Variants in ALG9 observed in about 807,000 individuals in gnomAD.
ALG9 encodes the protein ALG9 alpha-1,2-mannosyltransferase, also known as alpha-1,2-mannosyltransferase ALG9.
A neutral mutation model predicts 81.8 loss-of-function variants in ALG9; 55 were observed. The ratio of observed to expected loss-of-function variants is 0.67; its 90% CI spans 0.54 to 0.84. ALG9 has a LOEUF of 0.84. ALG9 is among the 40% of genes least tolerant of loss of function. ALG9 has a pLI of 0.00. For synonymous variants in ALG9, 278 were observed against 274.3 expected (o/e 1.01, Z -0.13); for missense variants, 629 against 745.0 (o/e 0.84, Z 1.81).
intron 13 of ALG9, among the ~76,000 whole-genome samples, chr11:111,831,643 AAGCCTTTT>A (rs1327264266): frequency 6.6e-6 from 1 of 152,190 alleles, no homozygotes; most frequent in Non-Finnish European, 1.5e-5. Context: ...TCCTGAAACC[AAGCCTTTT>A]ATCCTAGGGC....
chr11:111,868,319 C>T (rs966922831), intron 3 of ALG9, among the ~76,000 whole-genome samples: 5 of 152,140 alleles, frequency 3.3e-5, no homozygotes, highest in Admixed American at 3.3e-4. Flanking sequence ...TCCATAAGAC[C>T]CACCATATTT....
chr11:111,781,904 C>T (rs1192542729), downstream of ALG9, among the ~76,000 whole-genome samples: 1 of 152,226 alleles, frequency 6.6e-6, no homozygotes, highest in Non-Finnish European at 1.5e-5. Flanking sequence ...TCTCGGCATC[C>T]CACAGTGCTG....
chr11:111,865,860 T>C (rs1035782166), intron 3 of ALG9, among the ~76,000 whole-genome samples: 9 of 142,770 alleles, frequency 6.3e-5, no homozygotes, highest in Non-Finnish European at 8.8e-5. Flanking sequence ...AGTTCTGTTA[T>C]GTGGCTTTAT....
At chr11:111,813,549 T>G (rs1951047888) in intron 13 of ALG9, among the ~76,000 whole-genome samples, 1 of 151,580 alleles carries the variant, frequency 6.6e-6, no homozygotes, top group Admixed American at 6.6e-5. Context: ...TTGCAGTGAG[T>G]CAAAAAACAT....
At chr11:111,835,923 T>C (rs541426038) in intron 13 of ALG9, among the ~76,000 whole-genome samples, 34 of 152,234 alleles carry the variant, frequency 2.2e-4, no homozygotes, top group Admixed American at 1.4e-3. Context: ...GCTTATTTTT[T>C]AATTTTTTGT....
chr11:111,788,398 AG>A (rs1455227496), intron 14 of ALG9: 2 of 453,914 alleles, frequency 4.4e-6, no homozygotes, highest in African/African-American at 4.0e-5. Context: ...GAGACAAAGC[AG>A]GGCTCCTATA....
intron 13 of ALG9, among the ~76,000 whole-genome samples, chr11:111,822,852 G>A (rs782557276): frequency 8.6e-5 from 13 of 151,966 alleles, no homozygotes; most frequent in Non-Finnish European, 1.2e-4. Context: ...GAGAAACCTC[G>A]TCTCTACTAA....
At chr11:111,862,672 A>G (rs958288618) in intron 4 of ALG9, among the ~76,000 whole-genome samples, 4 of 150,496 alleles carry the variant, frequency 2.7e-5, no homozygotes, top group Non-Finnish European at 5.9e-5. Context: ...CTGTTTATCT[A>G]CTGAGTCTTA....
chr11:111,821,815 C>T (rs1248126211), intron 13 of ALG9, among the ~76,000 whole-genome samples: 5 of 152,046 alleles, frequency 3.3e-5, no homozygotes, highest in African/African-American at 1.2e-4. Context: ...TTTGTATTTT[C>T]AGTAGAGACG....
intron 13 of ALG9, among the ~76,000 whole-genome samples, chr11:111,835,484 T>C (rs1955086321): frequency 6.6e-6 from 1 of 152,180 alleles, no homozygotes. Context: ...TACTGTTCAT[T>C]TGTTAAAACC....
chr11:111,792,415 G>A (rs1229788401), intron 14 of ALG9, among the ~76,000 whole-genome samples: 1 of 152,178 alleles, frequency 6.6e-6, no homozygotes, highest in African/African-American at 2.4e-5. Flanking sequence ...TGAGATATGA[G>A]TTTAATTCAA....
downstream of ALG9, chr11:111,778,298 A>C (rs1184032234): frequency 1.3e-5 from 2 of 152,344 alleles, no homozygotes; most frequent in South Asian, 4.1e-4. Context: ...ATCAAATGAC[A>C]CTGAATAGGT....
chr11:111,870,972 G>A, intron 1 of ALG9: 2 of 1,019,100 alleles, frequency 2.0e-6, no homozygotes, highest in Non-Finnish European at 2.3e-6. Context: ...AAGAGGTGAT[G>A]GCGGGTTGGA....
At chr11:111,793,252 G>C (rs1383175972) in intron 14 of ALG9, among the ~76,000 whole-genome samples, 1 of 152,156 alleles carries the variant, frequency 6.6e-6, no homozygotes, top group Non-Finnish European at 1.5e-5. Flanking sequence ...AAAGTGCTAG[G>C]ATTACAGGTA....
At chr11:111,802,017 G>C (rs1383696848) in intron 14 of ALG9, among the ~76,000 whole-genome samples, 1 of 152,176 alleles carries the variant, frequency 6.6e-6, no homozygotes, top group Non-Finnish European at 1.5e-5. Flanking sequence ...TATCTCTCCA[G>C]CTGTCTCCTA....
intron 14 of ALG9, among the ~76,000 whole-genome samples, chr11:111,787,884 G>C (rs1555066675): frequency 6.6e-6 from 1 of 152,128 alleles, no homozygotes; most frequent in Non-Finnish European, 1.5e-5. Context: ...ACTTGCTCAG[G>C]GTTACACAGT....
At chr11:111,812,786 G>A (rs1555092744) in intron 13 of ALG9, among the ~76,000 whole-genome samples, 1 of 151,426 alleles carries the variant, frequency 6.6e-6, no homozygotes, top group Non-Finnish European at 1.5e-5. Context: ...GCATGGTGGT[G>A]GGCATCTGTA....
At chr11:111,787,677 C>T (rs1431642160) in intron 14 of ALG9, among the ~76,000 whole-genome samples, 3 of 151,788 alleles carry the variant, frequency 2.0e-5, no homozygotes, top group African/African-American at 7.3e-5. Context: ...CCAGGGTGGT[C>T]TTGATCTCCT....
At position 111,836,002 on chromosome 11, in the gene ALG9, G is replaced by A. The variant is rs576786706; in HGVS notation, c.1602+163C>T. 2.4e-4 allele frequency among the ~76,000 whole-genome samples: 37 copies of A among 152,254 alleles called. No homozygotes were observed. The Middle Eastern group carries it at 0.014, about 56-fold the overall frequency. Reference sequence around the variant, plus strand: ...CTGAATTCAAGCAATTATCCCGCCCGTCTCCCAAAGTGCTGGGATTACAGG... The same window carrying A: ...CTGAATTCAAGCAATTATCCCGCCCATCTCCCAAAGTGCTGGGATTACAGG... On this transcript the variant is annotated intron_variant, in intron 13 of 14. Transcript: ENST00000616540.
Sources: allele counts gnomAD v4.1 joint callset (sites outside exome capture counted in the v4.1 genomes callset), GRCh38; gene constraint gnomAD v4.1.1; transcripts MANE v1.5; gene names NCBI Gene and HGNC (gene_info 2026-07-23, HGNC 2026-07-21).